The following AGBL1 variants were observed in gnomAD, a reference collection of about 807,000 sequenced individuals.
AGBL1 encodes cytosolic carboxypeptidase 4.
Under a neutral mutation model 118.9 loss-of-function variants are expected in AGBL1, and 130 were observed. That is an observed-to-expected ratio of 1.09 (90% CI 0.95 to 1.26). The LOEUF (loss-of-function observed/expected upper bound fraction) is 1.26, where lower values mean the gene tolerates loss of function less well. Ranked by LOEUF, AGBL1 falls within the 50% of genes most tolerant of loss-of-function variation. AGBL1 has a pLI of 0.00. For missense variants in AGBL1, 1,584 were observed against 1,298.1 expected (o/e 1.22, Z -3.38); for synonymous variants, 555 against 478.9 (o/e 1.16, Z -2.08).
chr15:86,671,603 C>T (rs2085747629), intron 21 of AGBL1, among the ~76,000 whole-genome samples: 1 of 152,138 alleles, frequency 6.6e-6, no homozygotes, highest in Non-Finnish European at 1.5e-5. Context: ...TTTTATTTAC[C>T]TGTTTCCCAG....
intron 24 of AGBL1, among the ~76,000 whole-genome samples, chr15:87,000,029 G>T (rs35036121): frequency 0.49 from 25,747 of 52,792 alleles, 8,146 homozygotes; most frequent in Middle Eastern, 0.69. Flanking sequence ...TGTCTTCTTT[G>T]GAGAAGTGTC....
At chr15:87,004,955 G>A (rs10852083) in intron 24 of AGBL1, among the ~76,000 whole-genome samples, 15,060 of 152,126 alleles carry the variant, frequency 0.099, 1,330 homozygotes, top group African/African-American at 0.23. Context: ...ATGAAGCTTA[G>A]TTTGGCTGGA....
At chr15:86,815,860 TA>T (rs2078851163) in intron 22 of AGBL1, among the ~76,000 whole-genome samples, 1 of 152,076 alleles carries the variant, frequency 6.6e-6, no homozygotes, top group African/African-American at 2.4e-5. Flanking sequence ...ACAAACAAAA[TA>T]AACAGAACAT....
chr15:86,263,036 C>T, intron 10 of AGBL1, 142 bp downstream of exon 10: 1 of 665,128 alleles, frequency 1.5e-6, no homozygotes, highest in Non-Finnish European at 2.6e-6. Flanking sequence ...TAGAGAAAAG[C>T]AGAATGCTAA....
At chr15:86,291,194 A>C (rs917758829) in intron 16 of AGBL1, among the ~76,000 whole-genome samples, 1 of 152,240 alleles carries the variant, frequency 6.6e-6, no homozygotes, top group South Asian at 2.1e-4. Context: ...CATACATGCT[A>C]CATTTGCTCA....
chr15:86,777,770 C>T (rs1476002781), intron 22 of AGBL1, among the ~76,000 whole-genome samples: 1 of 152,126 alleles, frequency 6.6e-6, no homozygotes, highest in African/African-American at 2.4e-5. Flanking sequence ...GTTACCTCTT[C>T]TGTTTTTTTC....
intron 18 of AGBL1, among the ~76,000 whole-genome samples, chr15:86,497,241 T>C (rs750303161): frequency 1.3e-5 from 2 of 152,036 alleles, no homozygotes; most frequent in Non-Finnish European, 2.9e-5. Flanking sequence ...TGCTTCTTTC[T>C]AAAGTACATC....
chr15:86,633,765 T>C (rs1025961598), intron 21 of AGBL1, among the ~76,000 whole-genome samples: 1 of 147,796 alleles, frequency 6.8e-6, no homozygotes, highest in African/African-American at 2.5e-5. Flanking sequence ...TATGTATAAA[T>C]ACAATATTTT....
chr15:86,191,275 G>T (rs574730270), intron 5 of AGBL1, among the ~76,000 whole-genome samples: 20 of 150,152 alleles, frequency 1.3e-4, no homozygotes, highest in African/African-American at 4.2e-4. Context: ...TTGAACCTGG[G>T]AGGCGGAGGT....
At chr15:86,942,002 A>C (rs2080758293) in intron 23 of AGBL1, among the ~76,000 whole-genome samples, 2 of 152,242 alleles carry the variant, frequency 1.3e-5, no homozygotes, top group South Asian at 4.1e-4. Flanking sequence ...ATGGATGAAT[A>C]GCACAGGCAT....
intron 17 of AGBL1, among the ~76,000 whole-genome samples, chr15:86,337,713 G>T (rs2046758434): frequency 2.0e-5 from 3 of 152,108 alleles, no homozygotes; most frequent in Non-Finnish European, 4.4e-5. Context: ...TCGAGGGAGG[G>T]TGGAGGGTGG....
chr15:86,865,031 A>G (rs2079606170), intron 22 of AGBL1, among the ~76,000 whole-genome samples: 1 of 152,162 alleles, frequency 6.6e-6, no homozygotes, highest in African/African-American at 2.4e-5. Context: ...TCCCTGGAGC[A>G]GGGGTCTTGT....
At chr15:86,121,233 G>A (rs1381377292) in intron 1 of AGBL1, among the ~76,000 whole-genome samples, 16 of 151,830 alleles carry the variant, frequency 1.1e-4, no homozygotes, top group Admixed American at 1.1e-3. Flanking sequence ...AAGGGTCTAT[G>A]GTCATTTTAG....
Position 87,007,902 on chromosome 15 carries a change from C to T in AGBL1, c.3323+19814C>T, listed in dbSNP as rs576834842. On this transcript the variant is annotated intron_variant, in intron 24 of 24. Transcript: ENST00000441037. ...AACAACCTGCCATGATAGTGGACTCCGAATGATATTTGTTGAATCTGAAAC... is the reference window on the plus strand; with the variant it reads ...AACAACCTGCCATGATAGTGGACTCTGAATGATATTTGTTGAATCTGAAAC... 1.4e-4 allele frequency among the ~76,000 whole-genome samples: 22 copies of T among 152,118 alleles called. No individual in the cohort carries two copies. The South Asian group carries it at 2.9e-3, about 20-fold the overall frequency.
chr15:86,237,126 C>T (rs1428363931), intron 6 of AGBL1, among the ~76,000 whole-genome samples: 1 of 152,172 alleles, frequency 6.6e-6, no homozygotes, highest in Non-Finnish European at 1.5e-5. Context: ...TCTGGAGCTA[C>T]TTTAAAAGAA....
intron 22 of AGBL1, among the ~76,000 whole-genome samples, chr15:86,825,954 T>C (rs1303414246): frequency 6.6e-6 from 1 of 151,514 alleles, no homozygotes; most frequent in Admixed American, 6.6e-5. Context: ...AGATAAATTA[T>C]AGATACACAT....
At chr15:86,724,529 G>T (rs1357602296) in intron 22 of AGBL1, among the ~76,000 whole-genome samples, 1 of 152,134 alleles carries the variant, frequency 6.6e-6, no homozygotes, top group Non-Finnish European at 1.5e-5. Context: ...ACAGCAGCAG[G>T]GGGCAAGGGT....
intron 24 of AGBL1, among the ~76,000 whole-genome samples, chr15:86,998,211 G>GTGAT (rs1223913062): frequency 6.6e-6 from 1 of 152,112 alleles, no homozygotes; most frequent in African/African-American, 2.4e-5. Flanking sequence ...TATAGCAAAA[G>GTGAT]TGATAGGATA....
chr15:86,501,555 T>C (rs2082917333), intron 18 of AGBL1, among the ~76,000 whole-genome samples: 1 of 151,666 alleles, frequency 6.6e-6, no homozygotes, highest in Non-Finnish European at 1.5e-5. Flanking sequence ...TTGTCATGTT[T>C]CTTCTAGGAG....
Sources: gnomAD v4.1 joint callset for allele counts (sites outside exome capture counted in the v4.1 genomes callset) on GRCh38, gnomAD v4.1.1 for gene constraint, MANE v1.5 for transcripts, NCBI Gene and HGNC (gene_info 2026-07-23, HGNC 2026-07-21) for gene names.